The following CFAP54 variants were observed in gnomAD, a reference collection of about 807,000 sequenced individuals.
CFAP54 encodes the protein cilia and flagella associated protein 54, also known as cilia- and flagella-associated protein 54.
A neutral mutation model predicts 370.4 loss-of-function variants in CFAP54; 290 were observed. That is an observed-to-expected ratio of 0.78 (90% CI 0.71 to 0.86). CFAP54 has a LOEUF of 0.86. Ranked by LOEUF, CFAP54 falls within the 40% of genes least tolerant of loss-of-function variation. The probability of loss-of-function intolerance (pLI) is 0.00; values close to 1 mark genes in which losing one functional copy is unlikely to be tolerated. For missense variants in CFAP54, 3,399 were observed against 3,528.7 expected, an observed-to-expected ratio of 0.96 and a Z score of 0.93; for synonymous variants, 1,206 against 1,236.5, an observed-to-expected ratio of 0.98 and a Z score of 0.52.
In CFAP54 at chr12:96,580,931, C is replaced by T. The variant is rs774218768; in HGVS notation, c.2901C>T (p.Asp967=). The change falls in exon 22 of 68, where the codon GAC becomes GAT. Residue 967 remains aspartate (D), a synonymous_variant. Coordinates refer to ENST00000524981, the MANE Select transcript of CFAP54 (RefSeq NM_001306084.2). ...LPNSGEAIPA[D]GKSVFEVKGL... is the part of the protein sequence containing the mutation. Reference sequence around the variant, plus strand: ...ATTTTTCTTAATAGATACCAGCTGACGGTAAAAGTGTTTTTGAAGTGAAAG... The same window carrying T: ...ATTTTTCTTAATAGATACCAGCTGATGGTAAAAGTGTTTTTGAAGTGAAAG... 8.9e-5 allele frequency: 133 copies of T among 1,494,104 alleles called. No individual in the cohort carries two copies. The highest frequency in any genetic ancestry group is 2.1e-4 in the African/African-American group (15 of 71,114). The allele number at this position is 1,494,104 out of a possible 1,614,324, so 92.6% of individuals were successfully genotyped here.
intron 38 of CFAP54, among the ~76,000 whole-genome samples, chr12:96,661,407 G>C (rs2136518198): frequency 6.6e-6 from 1 of 152,280 alleles, no homozygotes; most frequent in African/African-American, 2.4e-5. Flanking sequence ...CTATCCATCA[G>C]AGGATTTACT....
intron 66 of CFAP54, among the ~76,000 whole-genome samples, chr12:96,840,580 GGTTAA>G (rs1959205764): frequency 6.7e-6 from 1 of 149,314 alleles, no homozygotes; most frequent in African/African-American, 2.5e-5. Context: ...TACTTCCTTT[GGTTAA>G]GTTGAGAGCT....
chr12:96,549,910 A>G (rs1955677582), intron 15 of CFAP54, among the ~76,000 whole-genome samples: 1 of 152,188 alleles, frequency 6.6e-6, no homozygotes, highest in South Asian at 2.1e-4. Context: ...TCATAAGTTC[A>G]CCCAGCAGAG....
rs562775156 is a variant in CFAP54, at chr12:96,675,649, C to T, written c.5564-3951C>T. Reference sequence around the variant, plus strand: ...AAGACACATGCATAAGTATGTTTATCGCAGCACTATTCACAATAGCAAAGA... The same window carrying T: ...AAGACACATGCATAAGTATGTTTATTGCAGCACTATTCACAATAGCAAAGA... On this transcript the variant is annotated intron_variant, in intron 39 of 67. Coordinates refer to ENST00000524981, the MANE Select transcript of CFAP54 (RefSeq NM_001306084.2). 4.7e-3 allele frequency among the ~76,000 whole-genome samples: 718 copies of T among 152,112 alleles called. 5 individuals carry two copies. Among genetic ancestry groups the T allele is most frequent in the African/African-American group, 0.016 (681 of 41,500 alleles).
chr12:96,757,381 A>G, intron 57 of CFAP54, 114 bp from the exon 58 acceptor site: 1 of 519,166 alleles, frequency 1.9e-6, no homozygotes, highest in South Asian at 3.2e-5. Context: ...TGTTTGTGAC[A>G]GATGCTGGTT....
chr12:96,703,270 C>A (rs542510143), intron 46 of CFAP54, among the ~76,000 whole-genome samples: 1 of 152,130 alleles, frequency 6.6e-6, no homozygotes, highest in East Asian at 1.9e-4. Context: ...AGAGTGTGAA[C>A]GAGAAGGTCA....
chr12:96,826,081 G>A (rs1959098939), intron 65 of CFAP54, among the ~76,000 whole-genome samples: 1 of 143,540 alleles, frequency 7.0e-6, no homozygotes, highest in Non-Finnish European at 1.5e-5. Flanking sequence ...CCAGCATTTA[G>A]AATACTAAAA....
Position 96,738,056 on chromosome 12 carries a change from C to A in CFAP54, c.6966-1900C>A, listed in dbSNP as rs12320325. 6.4e-3 allele frequency among the ~76,000 whole-genome samples: 981 copies of A among 152,248 alleles called. 11 individuals carry two copies. The highest frequency in any genetic ancestry group is 0.022 in the African/African-American group (924 of 41,530). Reference sequence around the variant, plus strand: ...AGGACTGCAAGGGCAAGAGTCATGGCAGAAAACTGGTTAGGAAGCTACTGT... The same window carrying A: ...AGGACTGCAAGGGCAAGAGTCATGGAAGAAAACTGGTTAGGAAGCTACTGT... On this transcript the variant is annotated intron_variant, in intron 50 of 67. Transcript: ENST00000524981.
At chr12:96,679,252 C>T (rs1417965397) in intron 39 of CFAP54, among the ~76,000 whole-genome samples, 1 of 152,134 alleles carries the variant, frequency 6.6e-6, no homozygotes, top group Admixed American at 6.5e-5. Context: ...TCCCAAGGCA[C>T]CTTTGCTTTG....
chr12:96,585,301 C>A (rs1423192039), intron 22 of CFAP54, among the ~76,000 whole-genome samples: 1 of 152,166 alleles, frequency 6.6e-6, no homozygotes, highest in Non-Finnish European at 1.5e-5. Context: ...GCTGGGATTA[C>A]AGGCGTGTGC....
chr12:96,675,329 A>C (rs1957193747), intron 39 of CFAP54, among the ~76,000 whole-genome samples: 3 of 152,240 alleles, frequency 2.0e-5, no homozygotes, highest in Non-Finnish European at 4.4e-5. Context: ...CAAAAGACAC[A>C]TGAAAAAATG....
intron 39 of CFAP54, among the ~76,000 whole-genome samples, chr12:96,675,438 A>G (rs1045537777): frequency 3.9e-5 from 6 of 152,226 alleles, no homozygotes; most frequent in Non-Finnish European, 7.3e-5. Context: ...TCAGGAAACG[A>G]CAGGTGCTGG....
intron 66 of CFAP54, among the ~76,000 whole-genome samples, chr12:96,850,331 C>T (rs796610854): frequency 1.3e-4 from 15 of 115,528 alleles, no homozygotes; most frequent in African/African-American, 5.3e-4. Context: ...GAGAGTGAGA[C>T]TCTGTCTTAA....
At chr12:96,747,176 C>A (rs1166269549) in intron 55 of CFAP54, among the ~76,000 whole-genome samples, 1 of 152,216 alleles carries the variant, frequency 6.6e-6, no homozygotes, top group Non-Finnish European at 1.5e-5. Context: ...AGATTTCATT[C>A]ATCCATTAGA....
At chr12:96,523,074 G>A (rs746637186) in intron 8 of CFAP54, among the ~76,000 whole-genome samples, 9 of 151,750 alleles carry the variant, frequency 5.9e-5, no homozygotes, top group Non-Finnish European at 1.3e-4. Flanking sequence ...GTTCTATATC[G>A]TTTTGAAGCT....
chr12:96,511,270 A>C (rs575772115), intron 4 of CFAP54, among the ~76,000 whole-genome samples: 1 of 152,144 alleles, frequency 6.6e-6, no homozygotes. Context: ...GTTGTGTTCT[A>C]ATCAAGTAAT....
intron 66 of CFAP54, among the ~76,000 whole-genome samples, chr12:96,856,409 A>G (rs775455736): frequency 1.3e-5 from 2 of 152,182 alleles, no homozygotes; most frequent in Admixed American, 1.3e-4. Context: ...CCAAACTTTT[A>G]TGCTCTGCTT....
rs1240846861 is a variant in CFAP54 at position 96,784,830 on chromosome 12, A to T, written c.8395A>T (p.Ile2799Phe). ...TCAGACCAAAGTGGATATTACATGG[A>T]TCCTTCTACTGCGCTACTATATTCA... ...KTQTKVDITW[I>F]LLLRYYIHLQ... Residue 2799 changes from isoleucine to phenylalanine, a missense_variant, in exon 61 of 68, where the codon ATC becomes TTC. Ile to Phe is a conservative substitution (Grantham distance 21). Transcript: ENST00000524981. The T allele has an allele frequency of 2.0e-6, 3 of 1,534,028 alleles. No homozygotes were observed. Among genetic ancestry groups the T allele is most frequent in the Non-Finnish European group, 2.6e-6 (3 of 1,145,712 alleles).
intron 58 of CFAP54, among the ~76,000 whole-genome samples, chr12:96,758,327 G>A (rs897116595): frequency 6.6e-6 from 1 of 152,146 alleles, no homozygotes; most frequent in Non-Finnish European, 1.5e-5. Context: ...AGTTCCATGT[G>A]GCTGGGGAGG....
Sources: gnomAD v4.1 joint callset for allele counts (sites outside exome capture counted in the v4.1 genomes callset) on GRCh38, gnomAD v4.1.1 for gene constraint, MANE v1.5 for transcripts, NCBI Gene and HGNC (gene_info 2026-07-23, HGNC 2026-07-21) for gene names.